BIK: variants seen among roughly 807,000 people sequenced by gnomAD.
BIK encodes BCL2 interacting killer, also known as bcl-2-interacting killer.
A neutral mutation model predicts 12.1 loss-of-function variants in BIK; 14 were observed. The ratio of observed to expected loss-of-function variants is 1.16; its 90% CI spans 0.77 to 1.81. The LOEUF (loss-of-function observed/expected upper bound fraction) is 1.81, where lower values mean the gene tolerates loss of function less well. Ranked by LOEUF, BIK falls within the 40% of genes most tolerant of loss-of-function variation. The probability of loss-of-function intolerance (pLI) is 0.00; values close to 1 mark genes in which losing one functional copy is unlikely to be tolerated. For missense variants in BIK, 215 were observed against 207.9 expected (o/e 1.03, Z -0.21); for synonymous variants, 86 against 92.3 (o/e 0.93, Z 0.39).
chr22:43,129,182 C>G (rs761594516), intron 4 of BIK, 31 bp from the exon 5 acceptor site: 2 of 1,602,014 alleles, frequency 1.2e-6, no homozygotes, highest in East Asian at 4.5e-5. Flanking sequence ...GGGCCTGCCC[C>G]GAGCCTGACT....
At chr22:43,127,629 G>C (rs1930342938) in intron 2 of BIK, 68 bp from the exon 3 acceptor site, 1 of 1,389,924 alleles carries the variant, frequency 7.2e-7, no homozygotes, top group African/African-American at 1.4e-5. Context: ...TCCGTTGGCT[G>C]GGTGGGTCCA....
chr22:43,129,092 C>G, intron 4 of BIK, 121 bp from the exon 5 acceptor site: 1 of 1,533,534 alleles, frequency 6.5e-7, no homozygotes, highest in Non-Finnish European at 8.9e-7. Flanking sequence ...CTTCTCTGGT[C>G]CCCTCGAGCT....
chr22:43,129,265 T>TGCC lies in BIK; in HGVS notation c.446_448dup (p.Pro149dup), dbSNP rs751517650. 6.1e-5 allele frequency: 98 copies of TGCC among 1,599,458 alleles called. No individual in the cohort carries two copies. The highest frequency in any genetic ancestry group is 2.7e-4 in the East Asian group (12 of 44,828). ...CTGCTGCTGCTGCTGGCGCTGCTGC[T>TGCC]GCCGCTGCTCAGCGGGGGCCTGCAC... is the stretch of plus-strand genomic sequence containing the variant. On this transcript the variant is annotated inframe_insertion, in exon 5 of 5. Transcript: ENST00000216115.
intron 1 of BIK, among the ~76,000 whole-genome samples, chr22:43,115,608 G>A (rs1020934463): frequency 7.2e-5 from 11 of 152,100 alleles, no homozygotes; most frequent in East Asian, 1.9e-4. Flanking sequence ...GATTACAGGC[G>A]TGCGCCACCA....
chr22:43,127,601 A>C, intron 2 of BIK, 96 bp from the exon 3 acceptor site: 5 of 1,125,926 alleles, frequency 4.4e-6, no homozygotes, highest in Non-Finnish European at 5.1e-6. Context: ...CCTCTGGGCC[A>C]CTCCCAGCTG....
chr22:43,113,271 G>A (rs1930045404), intron 1 of BIK, among the ~76,000 whole-genome samples: 1 of 152,196 alleles, frequency 6.6e-6, no homozygotes, highest in African/African-American at 2.4e-5. Context: ...GTACTCTATG[G>A]CTGGATAGAG....
chr22:43,124,539 CTG>C (rs1930278572), intron 2 of BIK, among the ~76,000 whole-genome samples: 1 of 149,310 alleles, frequency 6.7e-6, no homozygotes, highest in South Asian at 2.1e-4. Flanking sequence ...GGAGGTGACT[CTG>C]TTGCCAGAAA....
chr22:43,119,671 C>T (rs1930182648), intron 1 of BIK, among the ~76,000 whole-genome samples: 1 of 152,016 alleles, frequency 6.6e-6, no homozygotes, highest in Non-Finnish European at 1.5e-5. Flanking sequence ...CCCAAGCAGA[C>T]TCTGAGGGTC....
intron 1 of BIK, among the ~76,000 whole-genome samples, chr22:43,114,485 T>C (rs1930071759): frequency 6.6e-6 from 1 of 152,072 alleles, no homozygotes; most frequent in Non-Finnish European, 1.5e-5. Context: ...GTATTTTTAA[T>C]AGAGATGGGG....
chr22:43,124,984 G>A (rs1047400384), intron 2 of BIK, among the ~76,000 whole-genome samples: 2 of 152,222 alleles, frequency 1.3e-5, no homozygotes, highest in Non-Finnish European at 2.9e-5. Context: ...TGCTAAACAA[G>A]GGGTGGATTA....
intron 1 of BIK, among the ~76,000 whole-genome samples, chr22:43,115,865 T>C (rs1361769451): frequency 6.6e-6 from 1 of 152,082 alleles, no homozygotes; most frequent in African/African-American, 2.4e-5. Context: ...TAAGTGATTC[T>C]CCTGCCTTAG....
In BIK at chr22:43,124,004, T is replaced by C; in HGVS notation, c.-7-12T>C. 1 of 1,613,744 alleles carries C rather than the reference T, an allele frequency of 6.2e-7. No homozygotes were observed. The highest frequency in any genetic ancestry group is 8.5e-7 in the Non-Finnish European group (1 of 1,179,776). On this transcript the variant is annotated splice_polypyrimidine_tract_variant and intron_variant, in intron 1 of 4. Coordinates refer to ENST00000216115, the MANE Select transcript of BIK (RefSeq NM_001197.5). ...CTTAGGGGTCCAGTCATATGCTGTC[T>C]TTTTGCCCCAGAGGAGAAATGTCTG...
chr22:43,119,391 T>C (rs1930177239), intron 1 of BIK, among the ~76,000 whole-genome samples: 1 of 152,138 alleles, frequency 6.6e-6, no homozygotes, highest in Admixed American at 6.6e-5. Flanking sequence ...CCTTCATGTC[T>C]TCAGTCAACA....
chr22:43,121,329 G>A (rs1930215272), intron 1 of BIK, among the ~76,000 whole-genome samples: 2 of 152,326 alleles, frequency 1.3e-5, no homozygotes, highest in East Asian at 1.9e-4. Context: ...TGGCAGGGTG[G>A]GGAGCTTGAA....
rs777795806 is a variant in BIK, at chr22:43,129,221, C to G, written c.399C>G (p.Cys133Trp). The G allele has an allele frequency of 8.7e-6, 14 of 1,604,638 alleles. No individual in the cohort carries two copies. Among genetic ancestry groups the G allele is most frequent in the Non-Finnish European group, 1.1e-5 (13 of 1,179,816 alleles). ...CTGCTTTGCTCCCACAGGTGTCCTG[C>G]GAACAGGTGCTGCTGGCGCTGCTGC... ...RSPNPGSWVS[C>W]EQVLLALLLL... Residue 133 changes from cysteine (C) to tryptophan (W), a missense_variant, in exon 5 of 5, where the codon TGC (cysteine) becomes TGG (tryptophan). Physicochemically the swap from Cys to Trp is radical, Grantham distance 215 (BLOSUM62 -2). Transcript: ENST00000216115.
chr22:43,116,969 C>T (rs569545684), intron 1 of BIK, among the ~76,000 whole-genome samples: 1 of 152,284 alleles, frequency 6.6e-6, no homozygotes, highest in East Asian at 1.9e-4. Flanking sequence ...GGGCCTCTCA[C>T]AGGGGAATCT....
chr22:43,113,521 A>G (rs1930050576), intron 1 of BIK, among the ~76,000 whole-genome samples: 1 of 152,120 alleles, frequency 6.6e-6, no homozygotes, highest in South Asian at 2.1e-4. Context: ...CACTGCACTC[A>G]GCCTGGGCTA....
chr22:43,128,692 TTGGGG>T, intron 4 of BIK, 67 bp downstream of exon 4: 1 of 1,541,096 alleles, frequency 6.5e-7, no homozygotes, highest in Non-Finnish European at 8.8e-7. Flanking sequence ...GAGCCGCTCC[TTGGGG>T]CGCCACAGTC....
At chr22:43,129,091 T>C (rs1930382831) in intron 4 of BIK, 122 bp from the exon 5 acceptor site, 1 of 1,532,596 alleles carries the variant, frequency 6.5e-7, no homozygotes, top group African/African-American at 1.4e-5. Context: ...CCTTCTCTGG[T>C]CCCCTCGAGC....
Sources: gnomAD v4.1 joint callset for allele counts (sites outside exome capture counted in the v4.1 genomes callset) on GRCh38, gnomAD v4.1.1 for gene constraint, MANE v1.5 for transcripts, NCBI Gene and HGNC (gene_info 2026-07-23, HGNC 2026-07-21) for gene names.